Variants in PIAS3 observed in about 807,000 individuals in gnomAD.
PIAS3 encodes E3 SUMO-protein ligase PIAS3.
PIAS3 carries 34 observed loss-of-function variants against 67.6 expected under a neutral mutation model. The observed-to-expected ratio is 0.50, with a 90% CI of 0.38 to 0.67. The LOEUF is 0.67. PIAS3 is among the 30% of genes least tolerant of loss of function. PIAS3 has a pLI of 0.00. For synonymous variants in PIAS3, 341 were observed against 313.8 expected, an observed-to-expected ratio of 1.09 and a Z score of -0.92; for missense variants, 693 against 791.6, an observed-to-expected ratio of 0.88 and a Z score of 1.49.
Position 145,854,037 on chromosome 1 carries a change from G to A in PIAS3, c.911-151C>T, listed in dbSNP as rs1199867481. The A allele has an allele frequency of 4.7e-6, 3 of 636,114 alleles. No homozygotes were observed. The South Asian group carries it at 5.7e-5, about 12-fold the overall frequency. The allele number at this position is 636,114 out of a possible 1,614,324, so 39.4% of individuals were successfully genotyped here. On this transcript the variant is annotated intron_variant, in intron 7 of 13. Coordinates refer to ENST00000393045, the MANE Select transcript of PIAS3 (RefSeq NM_006099.3). ...GGGACGTCACATGGAAGTGGTCTGG[G>A]ATATGGATGATGAAGGCTGGGTGTG...
intron 1 of PIAS3, among the ~76,000 whole-genome samples, chr1:145,858,196 TCTCATA>T (rs1372943803): frequency 2.0e-5 from 3 of 152,108 alleles, no homozygotes; most frequent in African/African-American, 7.2e-5. Flanking sequence ...ACACAATTCT[TCTCATA>T]GGAGGCTTTG....
Position 145,850,280 on chromosome 1 carries a change from A to G in PIAS3, c.1583-11T>C, listed in dbSNP as rs1553733855. On this transcript the variant is annotated splice_polypyrimidine_tract_variant and intron_variant, in intron 12 of 13. Transcript: ENST00000393045. Reference sequence around the variant, plus strand: ...AAAATAAATCTAAACCTGGCAGGAAAAGAAAAATCAAAATTAACCTCCTAT... The same window carrying G: ...AAAATAAATCTAAACCTGGCAGGAAGAGAAAAATCAAAATTAACCTCCTAT... The G allele has an allele frequency of 3.1e-6, 5 of 1,614,226 alleles. No homozygotes were observed. In the South Asian group the frequency reaches 4.4e-5, roughly 14 times the overall value.
intron 9 of PIAS3, 52 bp downstream of exon 9, chr1:145,853,452 G>T: frequency 4.1e-6 from 5 of 1,229,058 alleles, no homozygotes; most frequent in Non-Finnish European, 5.6e-6. Context: ...AAATAACCAA[G>T]AAAAGAGGTT....
At chr1:145,850,365 CAGGAGGCT>C in intron 12 of PIAS3, 80 bp downstream of exon 12, 1 of 1,611,616 alleles carries the variant, frequency 6.2e-7, no homozygotes, top group Admixed American at 1.7e-5. Flanking sequence ...GCAGGAGAAG[CAGGAGGCT>C]TTGAGAAGGA....
chr1:145,853,533 C>G lies in PIAS3; in HGVS notation c.1116G>C (p.Lys372Asn), dbSNP rs781808563. ...CAATGATAAGAGATTCATAGGGAGC[C>G]TTCTTGTCACACACAGGACATGTCC... is the stretch of plus-strand genomic sequence containing the variant. ...PTWTCPVCDK[K>N]APYESLIIDG... Residue 372 changes from lysine to asparagine, a missense_variant, in exon 9 of 14, where the codon AAG becomes AAC. By Grantham distance (94) the Lys-to-Asn change is moderately conservative. Coordinates refer to ENST00000393045, the MANE Select transcript of PIAS3 (RefSeq NM_006099.3). 6.2e-7 allele frequency: 1 copy of G among 1,613,238 alleles called. No individual in the cohort carries two copies. The highest frequency in any genetic ancestry group is 1.7e-5 in the Admixed American group (1 of 59,920).
Position 145,849,035 on chromosome 1 carries a change from A to C in PIAS3, c.*411T>G. On this transcript the variant is annotated 3_prime_UTR_variant, in exon 14 of 14. Coordinates refer to ENST00000393045, the MANE Select transcript of PIAS3 (RefSeq NM_006099.3). ...TGAAGAGACAATGGATGTGAAGAAG[A>C]AATAGAGCCATGGGTTTGGGTAATA... The C allele has an allele frequency of 6.0e-6, 1 of 167,052 alleles. No individual in the cohort carries two copies. 10.3% of individuals were successfully genotyped at this position (167,052 alleles called of 1,614,324 possible).
Position 145,849,037 on chromosome 1 carries a change from A to C in PIAS3, c.*409T>G, listed in dbSNP as rs919933804. ...AAGAGACAATGGATGTGAAGAAGAA[A>C]TAGAGCCATGGGTTTGGGTAATAAG... On this transcript the variant is annotated 3_prime_UTR_variant, in exon 14 of 14. Transcript: ENST00000393045. 3.6e-5 allele frequency: 6 copies of C among 167,326 alleles called. No individual in the cohort carries two copies. The highest frequency in any genetic ancestry group is 6.4e-5 in the Non-Finnish European group (5 of 78,274). 10.4% of individuals were successfully genotyped at this position (167,326 alleles called of 1,614,324 possible). A position where few individuals can be genotyped will look rare whatever the true frequency, so the allele number is the denominator to read the frequency against.
rs1420027212 is a variant in PIAS3, at chr1:145,856,774, G to A, written c.257C>T (p.Pro86Leu). 1.4e-5 allele frequency: 22 copies of A among 1,613,986 alleles called. No homozygotes were observed. The highest frequency in any genetic ancestry group is 1.9e-5 in the Non-Finnish European group (22 of 1,180,012). Residue 86 changes from proline to leucine, a missense_variant, in exon 2 of 14, where the codon CCT (proline) becomes CTT (leucine). Around this residue, in one of 3 missense-constraint regions of PIAS3, gnomAD observed 308 missense variants for 348.8 expected, o/e 0.88. Transcript: ENST00000393045. ...SLLSLPPGTS[P>L]VGSPGPLAPI... ...AGCTAGAGGACCAGGGGAGCCTACA[G>A]GAGAGGTGCCAGGGGGCAAAGAGAG...
chr1:145,855,635 C>T (rs921268747), intron 5 of PIAS3, 101 bp downstream of exon 5: 66 of 714,318 alleles, frequency 9.2e-5, no homozygotes, highest in Admixed American at 2.6e-4. Context: ...CTATGTGCCA[C>T]GCACTGTGCT....
chr1:145,849,948 G>C (rs1424348148), intron 13 of PIAS3: 1 of 1,424,760 alleles, frequency 7.0e-7, no homozygotes, highest in Non-Finnish European at 9.1e-7. Flanking sequence ...CGTCTGAAAT[G>C]TGTGGAATGT....
chr1:145,858,701 A>AC (rs1247526617), intron 1 of PIAS3, among the ~76,000 whole-genome samples: 1 of 112,878 alleles, frequency 8.9e-6, no homozygotes, highest in Non-Finnish European at 1.8e-5. Context: ...TCCGACTTCT[A>AC]CCCCTCGTCC....
At position 145,848,649 on chromosome 1, in the gene PIAS3, C is replaced by T. The variant is rs1652830586; in HGVS notation, c.*797G>A. ...AAGATTGGGAAGGAGGGCACAGGGTCCTTCCACCTCCCTGGAAAGGTGCAG... is the reference window on the plus strand; with the variant it reads ...AAGATTGGGAAGGAGGGCACAGGGTTCTTCCACCTCCCTGGAAAGGTGCAG... On this transcript the variant is annotated 3_prime_UTR_variant, in exon 14 of 14. Coordinates refer to ENST00000393045, the MANE Select transcript of PIAS3 (RefSeq NM_006099.3). 1 of 596,634 alleles carries T rather than the reference C, an allele frequency of 1.7e-6. No homozygotes were observed. Among genetic ancestry groups the T allele is most frequent in the East Asian group, 2.8e-5 (1 of 35,464 alleles). The allele number at this position is 596,634 out of a possible 1,614,324, so 37.0% of individuals were successfully genotyped here. A position where few individuals can be genotyped will look rare whatever the true frequency, so the allele number is the denominator to read the frequency against.
rs782370387 is a variant in PIAS3, at chr1:145,849,507, C to G, written c.1826G>C (p.Gly609Ala). The change falls in exon 14 of 14, where the codon GGA becomes GCA. Residue 609 changes from glycine (G) to alanine (A), a missense_variant. This residue lies in a region of PIAS3 where 270 missense variants were observed against 261.0 expected (regional missense o/e 1.03). Coordinates refer to ENST00000393045, the MANE Select transcript of PIAS3 (RefSeq NM_006099.3). ...CAAAGAGGGACCTGAGGGCAGGGGT[C>G]CTCCATGCCCCTCCCTCAAGGCCCC... The part of the protein sequence containing the change: ...PGGALREGHG[G>A]PLPSGPSLTG... 6.4e-7 allele frequency: 1 copy of G among 1,551,214 alleles called. No homozygotes were observed. Among genetic ancestry groups the G allele is most frequent in the South Asian group, 1.2e-5 (1 of 82,644 alleles).
intron 5 of PIAS3, among the ~76,000 whole-genome samples, chr1:145,855,345 G>A (rs1282341913): frequency 6.6e-6 from 1 of 152,084 alleles, no homozygotes; most frequent in Non-Finnish European, 1.5e-5. Flanking sequence ...AGCCGGGCAG[G>A]GTGGTGGGCA....
At chr1:145,854,005 G>T in intron 7 of PIAS3, 119 bp from the exon 8 acceptor site, 1 of 776,990 alleles carries the variant, frequency 1.3e-6, no homozygotes, top group African/African-American at 1.7e-5. Flanking sequence ...CGTCTTTGGG[G>T]GCCAGTGGGA....
rs1553733610 is a variant in PIAS3 at position 145,849,597 on chromosome 1, C to T, written c.1736G>A (p.Ser579Asn). 4 of 1,612,980 alleles carry T rather than the reference C, an allele frequency of 2.5e-6. No homozygotes were observed. Among genetic ancestry groups the T allele is most frequent in the East Asian group, 2.2e-5 (1 of 44,802 alleles). Reference protein sequence around the residue: ...FLGPLAPTLGSSHCSATPAPP... With the variant: ...FLGPLAPTLGNSHCSATPAPP... ...CGCCGGAGTGGCGCTGCAGTGGGAG[C>T]TCCCCAGCGTGGGGGCCAGTGGGCC... Residue 579 changes from serine (S) to asparagine (N), a missense_variant, in exon 14 of 14, where the codon AGC (serine) becomes AAC (asparagine). Physicochemically the swap from Ser to Asn is conservative, Grantham distance 46 (BLOSUM62 1). Around this residue, in one of 3 missense-constraint regions of PIAS3, gnomAD observed 270 missense variants for 261.0 expected, o/e 1.03. Coordinates refer to ENST00000393045, the MANE Select transcript of PIAS3 (RefSeq NM_006099.3).
Position 145,855,697 on chromosome 1 carries a change from G to A in PIAS3, c.669+39C>T, listed in dbSNP as rs191419298. 1.9e-4 allele frequency: 195 copies of A among 1,044,638 alleles called. No individual in the cohort carries two copies. In the East Asian group the frequency reaches 3.4e-3, roughly 18 times the overall value. 64.7% of individuals were successfully genotyped at this position (1,044,638 alleles called of 1,614,324 possible). ...GTAGTTAATATTTATGAACTGAAAC[G>A]GTAAGGGATTACTGACAGAAGAAGG... is the stretch of plus-strand genomic sequence containing the variant. On this transcript the variant is annotated intron_variant, in intron 5 of 13. Transcript: ENST00000393045.
In PIAS3 at chr1:145,850,776, G is replaced by A. The variant is rs782139397; in HGVS notation, c.1443C>T (p.Ser481=). Residue 481 remains serine, a synonymous_variant, in exon 11 of 14, where the codon AGC becomes AGT. Coordinates refer to ENST00000393045, the MANE Select transcript of PIAS3 (RefSeq NM_006099.3). The part of the protein sequence containing the change: ...TSAAIPALPG[S]KGVLTSGHQP... ...CTCAGCCTATTTTCTCATACCCTTT[G>A]CTTCCAGGTAGGGCCGGGATGGCAG... The A allele has an allele frequency of 6.2e-7, 1 of 1,614,086 alleles. No individual in the cohort carries two copies. Among genetic ancestry groups the A allele is most frequent in the South Asian group, 1.1e-5 (1 of 91,080 alleles).
Position 145,857,014 on chromosome 1 carries a change from G to C in PIAS3, c.25-8C>G. 3 of 1,611,630 alleles carry C rather than the reference G, an allele frequency of 1.9e-6. No individual in the cohort carries two copies. The highest frequency in any genetic ancestry group is 1.1e-5 in the South Asian group (1 of 91,006). ...GAAACTCATCACCATGTGCTGTGGA[G>C]AAAAACAGAGAAGCTTGAGCATCCT... On this transcript the variant is annotated splice_polypyrimidine_tract_variant and splice_region_variant and intron_variant, in intron 1 of 13. Coordinates refer to ENST00000393045, the MANE Select transcript of PIAS3 (RefSeq NM_006099.3).
Sources: gnomAD v4.1 joint callset for allele counts (sites outside exome capture counted in the v4.1 genomes callset) on GRCh38, gnomAD v4.1.1 for gene constraint, gnomAD v4.1.1 regional missense constraint, MANE v1.5 for transcripts, NCBI Gene and HGNC (gene_info 2026-07-23, HGNC 2026-07-21) for gene names.